The following RUSC1 variants were observed in gnomAD, a reference collection of about 807,000 sequenced individuals.
The protein encoded by RUSC1 is AP-4 complex accessory subunit RUSC1.
A neutral mutation model predicts 72.1 loss-of-function variants in RUSC1; 40 were observed. That is an observed-to-expected ratio of 0.55 (90% CI 0.43 to 0.72). RUSC1 has a LOEUF of 0.72. Ranked by LOEUF, RUSC1 falls within the 30% of genes least tolerant of loss-of-function variation. The pLI, the probability that RUSC1 is intolerant of heterozygous loss-of-function variation, is 0.00. For synonymous variants in RUSC1, 512 were observed against 494.2 expected (o/e 1.04, Z -0.48); for missense variants, 1,092 against 1,172.3 (o/e 0.93, Z 1.00).
At chr1:155,321,496 G>A (rs757628968) in intron 1 of RUSC1, 192 bp from the exon 2 acceptor site, 1 of 1,483,306 alleles carries the variant, frequency 6.7e-7, no homozygotes, top group Non-Finnish European at 9.1e-7. Context: ...CATTCCCGGG[G>A]GGTTACATTC....
At chr1:155,328,764 A>G (rs1651693639) in intron 9 of RUSC1, among the ~76,000 whole-genome samples, 1 of 152,024 alleles carries the variant, frequency 6.6e-6, no homozygotes, top group South Asian at 2.1e-4. Context: ...ACGCCCAGCT[A>G]ATTTTTGTAT....
Position 155,323,040 on chromosome 1 carries a change from G to A in RUSC1, c.1267G>A (p.Gly423Arg), listed in dbSNP as rs1650781412. The stretch of plus-strand genomic sequence containing the variant: ...ACCTGGACTGCAGCCCATAGCGGAG[G>A]GGCAGTCCGAGGAGGGCCGGGCTGT... ...NRPGLQPIAE[G>R]QSEEGRAVSP... is the part of the protein sequence containing the mutation. The change falls in exon 2 of 10, where the codon GGG (glycine) becomes AGG (arginine). Residue 423 changes from glycine (G) to arginine (R), a missense_variant. By Grantham distance (125) the Gly-to-Arg change is moderately radical. Transcript: ENST00000368352. The A allele has an allele frequency of 6.8e-7, 1 of 1,463,546 alleles. No homozygotes were observed. Among genetic ancestry groups the A allele is most frequent in the Non-Finnish European group, 9.0e-7 (1 of 1,106,634 alleles). The allele number at this position is 1,463,546 out of a possible 1,614,324, so 90.7% of individuals were successfully genotyped here.
At chr1:155,321,606 G>A (rs1387652933) in intron 1 of RUSC1, 82 bp from the exon 2 acceptor site, 1 of 1,249,994 alleles carries the variant, frequency 8.0e-7, no homozygotes, top group Non-Finnish European at 1.1e-6. Flanking sequence ...CTTCAGGCCT[G>A]CTGCTGCCGT....
chr1:155,328,868 A>C (rs868580032), intron 9 of RUSC1, among the ~76,000 whole-genome samples: 1 of 151,274 alleles, frequency 6.6e-6, no homozygotes. Context: ...AAAGTGCTGG[A>C]ATTATAGGCG....
chr1:155,327,106 A>T lies in RUSC1; in HGVS notation c.2388A>T (p.Glu796Asp). ...TTGGAGTGCCTGGGGGCCCCGCAGA[A>T]AATGAGAATGGAGCCCTAAAGTCCA... ...RLFGVPGGPA[E>D]NENGALKSRR... The change falls in exon 8 of 10, where the codon GAA becomes GAT. Residue 796 changes from glutamate to aspartate, a missense_variant. Transcript: ENST00000368352. 6.2e-7 allele frequency: 1 copy of T among 1,606,702 alleles called. No homozygotes were observed. Among genetic ancestry groups the T allele is most frequent in the Non-Finnish European group, 8.5e-7 (1 of 1,175,016 alleles).
rs1196442760 is a variant in RUSC1 at position 155,325,771 on chromosome 1, C to T, written c.1815-93C>T. The T allele has an allele frequency of 8.9e-6, 14 of 1,576,936 alleles. No homozygotes were observed. Among genetic ancestry groups the T allele is most frequent in the Non-Finnish European group, 1.1e-5 (13 of 1,148,502 alleles). On this transcript the variant is annotated intron_variant, in intron 6 of 9. Coordinates refer to ENST00000368352, the MANE Select transcript of RUSC1 (RefSeq NM_001105203.2). The surrounding 1 kb of genome is among the most constrained non-coding windows in gnomAD (Gnocchi z 6.5). ...AGTGCCTCACATCCCCAGAGAAGGC[C>T]CCCCCTCTTCCAATCTCATCTCCCA...
Position 155,326,764 on chromosome 1 carries a change from AG to A in RUSC1, c.2048del (p.Gly683AlafsTer51), listed in dbSNP as rs780882249. On this transcript the variant is annotated frameshift_variant, in exon 8 of 10. Transcript: ENST00000368352. LOFTEE classifies it high-confidence loss of function. The surrounding 1 kb of genome is among the most constrained non-coding windows in gnomAD (Gnocchi z 4.7). ...GCCCACCTCAGGCCCCTGCCCCTCCAGGCCCACCTCCAGCTCTGCAGCAGAC... is the reference window on the plus strand; with the variant it reads ...GCCCACCTCAGGCCCCTGCCCCTCCAGCCCACCTCCAGCTCTGCAGCAGAC... ...LGPPQAPAPP[G>X]PPPALQQTMQ... is the part of the protein sequence containing the mutation. The A allele has an allele frequency of 3.7e-6, 6 of 1,613,084 alleles. No homozygotes were observed. The highest frequency in any genetic ancestry group is 5.1e-6 in the Non-Finnish European group (6 of 1,180,012).
Position 155,324,654 on chromosome 1 carries a change from G to A in RUSC1, c.1358-191G>A, listed in dbSNP as rs1651078541. On this transcript the variant is annotated intron_variant, in intron 2 of 9. Transcript: ENST00000368352. ...GGGGCTGGGGGACAGCGAGTGCTGG[G>A]AAGTGTGCGAGATTTCACTCCGGGG... is the stretch of plus-strand genomic sequence containing the variant. The A allele has an allele frequency of 2.6e-6, 4 of 1,528,130 alleles. No homozygotes were observed. In the East Asian group the frequency reaches 9.4e-5, roughly 36 times the overall value. 94.7% of individuals were successfully genotyped at this position (1,528,130 alleles called of 1,614,324 possible).
Position 155,330,809 on chromosome 1 carries a change from T to C in RUSC1, c.*238T>C. ...TGCCCTCCAGGTAATCCCTTTCCTT[T>C]TTCCCGTCTATATAAGGGAATGTCT... On this transcript the variant is annotated 3_prime_UTR_variant, in exon 10 of 10. Transcript: ENST00000368352. 1 of 444,342 alleles carries C rather than the reference T, an allele frequency of 2.3e-6. No homozygotes were observed. The highest frequency in any genetic ancestry group is 4.2e-5 in the East Asian group (1 of 23,650). The allele number at this position is 444,342 out of a possible 1,614,324, so 27.5% of individuals were successfully genotyped here.
Position 155,325,289 on chromosome 1 carries a change from G to A in RUSC1, c.1534-27G>A. 1 of 1,605,518 alleles carries A rather than the reference G, an allele frequency of 6.2e-7. No individual in the cohort carries two copies. Among genetic ancestry groups the A allele is most frequent in the East Asian group, 2.2e-5 (1 of 44,840 alleles). On this transcript the variant is annotated intron_variant, in intron 4 of 9. Coordinates refer to ENST00000368352, the MANE Select transcript of RUSC1 (RefSeq NM_001105203.2). The surrounding 1 kb of genome is among the most constrained non-coding windows in gnomAD (Gnocchi z 6.5). ...TGGGAGGTGTCTGGAGGGATCTCTG[G>A]AGCCATCGGCATCGCGCCACCTCCA...
At chr1:155,328,414 A>C in intron 9 of RUSC1, 139 bp downstream of exon 9, 3 of 864,216 alleles carry the variant, frequency 3.5e-6, no homozygotes, top group Non-Finnish European at 4.9e-6. Flanking sequence ...TTTATTATCG[A>C]TGTGTCACTC....
At chr1:155,324,994 C>T in intron 3 of RUSC1, 51 bp downstream of exon 3, 3 of 1,613,616 alleles carry the variant, frequency 1.9e-6, no homozygotes, top group Non-Finnish European at 1.7e-6. Context: ...CTGCCCTTCG[C>T]CCCCGGCCCT....
At chr1:155,329,444 G>A (rs1651780226) in intron 9 of RUSC1, among the ~76,000 whole-genome samples, 1 of 143,956 alleles carries the variant, frequency 6.9e-6, no homozygotes, top group South Asian at 2.2e-4. Context: ...CCAGGCTGGA[G>A]TGCAATGGCA....
chr1:155,321,346 G>A (rs758545938), intron 1 of RUSC1: 2 of 1,374,452 alleles, frequency 1.5e-6, no homozygotes, highest in Middle Eastern at 2.1e-4. Context: ...CTTCCTCTGG[G>A]AGTAAGGGGT....
chr1:155,322,867 C>G lies in RUSC1; in HGVS notation c.1094C>G (p.Pro365Arg). 1 of 1,612,962 alleles carries G rather than the reference C, an allele frequency of 6.2e-7. No individual in the cohort carries two copies. Among genetic ancestry groups the G allele is most frequent in the South Asian group, 1.1e-5 (1 of 91,054 alleles). The change falls in exon 2 of 10, where the codon CCT becomes CGT. Residue 365 changes from proline to arginine, a missense_variant. Transcript: ENST00000368352. ...SGSPGGSSAP[P>R]REVTTFKELR... ...TCGCCGGGCGGCTCCTCGGCACCTC[C>G]TCGGGAAGTCACCACCTTCAAGGAA...
At chr1:155,324,633 C>A in intron 2 of RUSC1, 1 of 1,521,782 alleles carries the variant, frequency 6.6e-7, no homozygotes, top group Non-Finnish European at 8.8e-7. Context: ...CGGGATGGGG[C>A]TGGGGGACAG....
rs777569568 is a variant in RUSC1 at position 155,324,386 on chromosome 1, T to G, written c.1358-459T>G. 95 of 1,612,334 alleles carry G rather than the reference T, an allele frequency of 5.9e-5. 1 individual carries two copies. In the East Asian group the frequency reaches 1.9e-3, roughly 33 times the overall value. On this transcript the variant is annotated intron_variant, in intron 2 of 9. Coordinates refer to ENST00000368352, the MANE Select transcript of RUSC1 (RefSeq NM_001105203.2). The stretch of plus-strand genomic sequence containing the variant: ...TCGGGTCTCGCCTCCCTCCGTCTCC[T>G]CCCTTTCCCCTGTCTGTCTTTCCAT...
chr1:155,324,997 C>T, intron 3 of RUSC1, 54 bp downstream of exon 3: 1 of 1,613,930 alleles, frequency 6.2e-7, no homozygotes, highest in Non-Finnish European at 8.5e-7. Flanking sequence ...CCCTTCGCCC[C>T]CGGCCCTGCT....
chr1:155,328,809 G>A (rs1001674000), intron 9 of RUSC1, among the ~76,000 whole-genome samples: 4 of 151,974 alleles, frequency 2.6e-5, no homozygotes, highest in East Asian at 1.9e-4. Context: ...CATGTTCGCC[G>A]GGATGGTCTT....
Sources: allele counts gnomAD v4.1 joint callset (sites outside exome capture counted in the v4.1 genomes callset), GRCh38; gene constraint gnomAD v4.1.1; non-coding constraint Gnocchi (gnomAD v3.1); transcripts MANE v1.5; gene names NCBI Gene and HGNC (gene_info 2026-07-23, HGNC 2026-07-21).